The following IGSF10 variants were observed in gnomAD, a reference collection of about 807,000 sequenced individuals.
IGSF10 encodes calvaria mechanical force protein 608.
A neutral mutation model predicts 128.2 loss-of-function variants in IGSF10; 126 were observed. The ratio of observed to expected loss-of-function variants is 0.98; its 90% CI spans 0.85 to 1.14. IGSF10 has a LOEUF of 1.14. Ranked by LOEUF, IGSF10 falls within the 50% of genes most tolerant of loss-of-function variation. IGSF10 has a pLI of 0.00. For synonymous variants in IGSF10, 1,185 were observed against 1,146.2 expected (o/e 1.03, Z -0.68); for missense variants, 3,295 against 3,149.8 (o/e 1.05, Z -1.10).
At chr3:151,450,108 C>G (rs1373652475) in intron 5 of IGSF10, among the ~76,000 whole-genome samples, 2 of 152,188 alleles carry the variant, frequency 1.3e-5, no homozygotes, top group African/African-American at 4.8e-5. Context: ...TCTTACAGCA[C>G]TAGGACCAGC....
At chr3:151,597,201 C>T in the IGSF10 span, among the ~76,000 whole-genome samples, 1 of 152,328 alleles carries the variant, frequency 6.6e-6, no homozygotes, top group Non-Finnish European at 1.5e-5. Flanking sequence ...TCTTTAGGCA[C>T]TGTGTAGGTG....
the IGSF10 span, among the ~76,000 whole-genome samples, chr3:151,505,744 G>C: frequency 6.6e-6 from 1 of 152,120 alleles, no homozygotes; most frequent in Non-Finnish European, 1.5e-5. Flanking sequence ...TTAATATGCA[G>C]AAGTTTCTAT....
At chr3:151,594,696 T>G in the IGSF10 span, among the ~76,000 whole-genome samples, 1,091 of 151,554 alleles carry the variant, frequency 7.2e-3, 1 homozygote, top group South Asian at 0.029. Flanking sequence ...CTACCAAATT[T>G]GAGTTTTAGT....
At chr3:151,567,933 C>A in the IGSF10 span, among the ~76,000 whole-genome samples, 1 of 152,146 alleles carries the variant, frequency 6.6e-6, no homozygotes, top group African/African-American at 2.4e-5. Context: ...GTGCAAACAC[C>A]TTCTTCCTTC....
In IGSF10 at chr3:151,445,540, A is replaced by T. The variant is rs1426539666; in HGVS notation, c.4441T>A (p.Phe1481Ile). 1.2e-6 allele frequency: 2 copies of T among 1,614,060 alleles called. No individual in the cohort carries two copies. The highest frequency in any genetic ancestry group is 3.3e-5 in the Admixed American group (2 of 59,996). ...TLMPVPISPP[F>I]TQRAVTDNVA... ...TTGTCAGTAACTGCTCTCTGAGTAAAGGGAGGGGAGATGGGAACTGGCATT... is the reference window on the plus strand; with the variant it reads ...TTGTCAGTAACTGCTCTCTGAGTAATGGGAGGGGAGATGGGAACTGGCATT... Residue 1481 changes from phenylalanine (F) to isoleucine (I), a missense_variant, in exon 6 of 8, where the codon TTT (phenylalanine) becomes ATT (isoleucine). Transcript: ENST00000282466.
At position 151,458,639 on chromosome 3, in the gene IGSF10, G is replaced by C. The variant is rs753065265; in HGVS notation, c.71C>G (p.Pro24Arg). 5.6e-6 allele frequency: 9 copies of C among 1,614,178 alleles called. No individual in the cohort carries two copies. Among genetic ancestry groups the C allele is most frequent in the African/African-American group, 1.3e-5 (1 of 75,042 alleles). Residue 24 changes from proline to arginine, a missense_variant, in exon 3 of 8, where the codon CCT (proline) becomes CGT (arginine). By Grantham distance (103) the Pro-to-Arg change is moderately radical. Coordinates refer to ENST00000282466, the MANE Select transcript of IGSF10 (RefSeq NM_178822.5). ...GCGGCGAGGACAGGCCTTGCCCCCAGGGGTGGCGACCAGGCAGATCACAGC... is the reference window on the plus strand; with the variant it reads ...GCGGCGAGGACAGGCCTTGCCCCCACGGGTGGCGACCAGGCAGATCACAGC... ...SFAVICLVAT[P>R]GGKACPRRCA...
the IGSF10 span, among the ~76,000 whole-genome samples, chr3:151,554,097 G>A: frequency 2.6e-5 from 4 of 151,568 alleles, no homozygotes; most frequent in African/African-American, 9.7e-5. Context: ...AGCGAGCTGT[G>A]ATTGCACCAC....
chr3:151,592,867 A>G, the IGSF10 span, among the ~76,000 whole-genome samples: 1 of 152,200 alleles, frequency 6.6e-6, no homozygotes. Context: ...TGAAATAGTC[A>G]CATCTAAACT....
the IGSF10 span, among the ~76,000 whole-genome samples, chr3:151,481,019 G>A: frequency 2.0e-5 from 3 of 152,196 alleles, no homozygotes; most frequent in East Asian, 1.9e-4. Flanking sequence ...AGCTGAGGGC[G>A]GCAGCATGCT....
At chr3:151,476,511 G>A in the IGSF10 span, among the ~76,000 whole-genome samples, 11 of 152,076 alleles carry the variant, frequency 7.2e-5, no homozygotes, top group Admixed American at 7.2e-4. Context: ...CGATCTTCAG[G>A]GGTATCTTCC....
chr3:151,571,874 T>A, the IGSF10 span, among the ~76,000 whole-genome samples: 1 of 152,212 alleles, frequency 6.6e-6, no homozygotes, highest in Non-Finnish European at 1.5e-5. Context: ...AAATAGCTCT[T>A]ATTATTTTGA....
Position 151,448,949 on chromosome 3 carries a change from T to C in IGSF10, c.1032A>G (p.Ala344=). The C allele has an allele frequency of 1.9e-6, 3 of 1,614,206 alleles. No individual in the cohort carries two copies. Among genetic ancestry groups the C allele is most frequent in the Non-Finnish European group, 2.5e-6 (3 of 1,180,032 alleles). The part of the protein sequence containing the change: ...IQKPSRTSPI[A]FTEENDYIVL... ...CGATGTAGTCATTTTCTTCAGTGAATGCAATGGGTGATGTCCTTGAGGGCT... is the reference window on the plus strand; with the variant it reads ...CGATGTAGTCATTTTCTTCAGTGAACGCAATGGGTGATGTCCTTGAGGGCT... Residue 344 remains alanine (A), a synonymous_variant, in exon 6 of 8, where the codon GCA becomes GCG. Transcript: ENST00000282466.
At chr3:151,466,496 G>C in the IGSF10 span, among the ~76,000 whole-genome samples, 1 of 152,164 alleles carries the variant, frequency 6.6e-6, no homozygotes, top group Non-Finnish European at 1.5e-5. Flanking sequence ...TCAGTCCAAG[G>C]AGTCTGGGAC....
rs370949912 is a variant in IGSF10 at position 151,438,152 on chromosome 3, T to A, written c.6409A>T (p.Ile2137Leu). The change falls in exon 8 of 8, where the codon ATA (isoleucine) becomes TTA (leucine). Residue 2137 changes from isoleucine to leucine, a missense_variant. Physicochemically the swap from Ile to Leu is conservative, Grantham distance 5. Transcript: ENST00000282466. ...TGCCTTATCCGGGGAGCAGCTGTTA[T>A]AACTGTTAAGTGGACCTTCATTTCA... ...KDEMKVHLTV[I>L]TAAPRIRQSN... The A allele has an allele frequency of 5.6e-6, 9 of 1,614,086 alleles. No individual in the cohort carries two copies. Among genetic ancestry groups the A allele is most frequent in the South Asian group, 3.3e-5 (3 of 91,096 alleles).
chr3:151,486,370 G>A, the IGSF10 span, among the ~76,000 whole-genome samples: 3 of 152,050 alleles, frequency 2.0e-5, no homozygotes, highest in East Asian at 3.9e-4. Context: ...CAATAATAGT[G>A]GGAGACTTTA....
chr3:151,465,605 G>A (rs748373656), upstream of IGSF10, among the ~76,000 whole-genome samples: 16 of 152,030 alleles, frequency 1.1e-4, no homozygotes, highest in South Asian at 2.1e-4. Flanking sequence ...TAGTGAATAC[G>A]GCAGCTTGTA....
At chr3:151,538,141 A>G in the IGSF10 span, among the ~76,000 whole-genome samples, 1 of 152,192 alleles carries the variant, frequency 6.6e-6, no homozygotes, top group Non-Finnish European at 1.5e-5. Context: ...ACTAATTGTC[A>G]GATGCAGAGT....
At chr3:151,442,770 A>C (rs1720936837) in intron 7 of IGSF10, among the ~76,000 whole-genome samples, 2 of 152,130 alleles carry the variant, frequency 1.3e-5, no homozygotes, top group African/African-American at 4.8e-5. Flanking sequence ...AAACCCTAAG[A>C]AGTTGACCCT....
intron 7 of IGSF10, 117 bp from the exon 8 acceptor site, chr3:151,438,714 G>A (rs1720628403): frequency 1.4e-6 from 1 of 691,842 alleles, no homozygotes; most frequent in Non-Finnish European, 2.4e-6. Flanking sequence ...TGAAAATTGT[G>A]TATCTTTGAG....
Sources: allele counts gnomAD v4.1 joint callset (sites outside exome capture counted in the v4.1 genomes callset), GRCh38; gene constraint gnomAD v4.1.1; transcripts MANE v1.5; gene names NCBI Gene and HGNC (gene_info 2026-07-23, HGNC 2026-07-21).